The following ATP6V0D2 variants were observed in gnomAD, a reference collection of about 807,000 sequenced individuals.
ATP6V0D2 encodes ATPase H+ transporting V0 subunit d2.
A neutral mutation model predicts 40.0 loss-of-function variants in ATP6V0D2; 40 were observed. The observed-to-expected ratio is 1.00, with a 90% CI of 0.78 to 1.30. The LOEUF is 1.30. ATP6V0D2 is among the 50% of genes most tolerant of loss of function. The probability of loss-of-function intolerance (pLI) is 0.00; values close to 1 mark genes in which losing one functional copy is unlikely to be tolerated. For missense variants in ATP6V0D2, 470 were observed against 423.1 expected (o/e 1.11, Z -0.97); for synonymous variants, 179 against 156.3 (o/e 1.15, Z -1.08).
At chr8:86,107,385 T>C (rs1236143154) in intron 1 of ATP6V0D2, among the ~76,000 whole-genome samples, 1 of 152,122 alleles carries the variant, frequency 6.6e-6, no homozygotes, top group Non-Finnish European at 1.5e-5. Context: ...CTGAAAAACC[T>C]TGAAGGTTTG....
rs1300345165 is a variant in ATP6V0D2 at position 86,152,849 on chromosome 8, T to C, written c.925T>C (p.Phe309Leu). The C allele has an allele frequency of 3.1e-6, 5 of 1,608,806 alleles. No homozygotes were observed. Among genetic ancestry groups the C allele is most frequent in the Non-Finnish European group, 4.2e-6 (5 of 1,178,566 alleles). Reference protein sequence around the residue: ...QMNVLAFNRQFHYGVFYAYVK... With the variant: ...QMNVLAFNRQLHYGVFYAYVK... ...GAATGTGCTGGCATTCAACAGACAG[T>C]TCCACTACGGTGTGTTTTATGCATA... Residue 309 changes from phenylalanine (F) to leucine (L), a missense_variant, in exon 8 of 8, where the codon TTC becomes CTC. Phe to Leu is a conservative substitution (Grantham distance 22). Transcript: ENST00000285393.
At chr8:86,102,735 CCTGA>C (rs1178678751) in intron 1 of ATP6V0D2, among the ~76,000 whole-genome samples, 1 of 152,094 alleles carries the variant, frequency 6.6e-6, no homozygotes, top group East Asian at 1.9e-4. Flanking sequence ...GAGGCCTGCC[CCTGA>C]CTAATTGTGA....
rs755168998 is a variant in ATP6V0D2, at chr8:86,141,500, A to G, written c.532A>G (p.Ile178Val). The G allele has an allele frequency of 6.2e-7, 1 of 1,609,092 alleles. No individual in the cohort carries two copies. The highest frequency in any genetic ancestry group is 8.5e-7 in the Non-Finnish European group (1 of 1,176,852). ...MSENALDELN[I>V]ELLRNKLYKS... ...TGAAAATGCTCTAGATGAACTGAAT[A>G]TTGAATTGCTACGCAATAAACTATA... The change falls in exon 4 of 8, where the codon ATT becomes GTT. Residue 178 changes from isoleucine to valine, a missense_variant. Transcript: ENST00000285393.
intron 5 of ATP6V0D2, among the ~76,000 whole-genome samples, chr8:86,143,687 G>A (rs1188264318): frequency 1.3e-5 from 2 of 152,146 alleles, no homozygotes; most frequent in African/African-American, 4.8e-5. Flanking sequence ...TTTATGACCT[G>A]TATCTTGTGC....
intron 5 of ATP6V0D2, among the ~76,000 whole-genome samples, chr8:86,147,425 G>A (rs919984245): frequency 5.9e-5 from 9 of 152,216 alleles, no homozygotes; most frequent in South Asian, 4.2e-4. Context: ...GGAAAGTCAT[G>A]GGACTGCCAA....
intron 1 of ATP6V0D2, among the ~76,000 whole-genome samples, chr8:86,104,051 C>T (rs1220479172): frequency 6.6e-6 from 1 of 152,030 alleles, no homozygotes; most frequent in African/African-American, 2.4e-5. Flanking sequence ...AGGTCTCAAA[C>T]TCCTAACCTC....
At chr8:86,101,568 A>G (rs768393102) in intron 1 of ATP6V0D2, among the ~76,000 whole-genome samples, 1 of 152,118 alleles carries the variant, frequency 6.6e-6, no homozygotes, top group Non-Finnish European at 1.5e-5. Context: ...TTTAATCAAA[A>G]GACTTGTCGA....
intron 1 of ATP6V0D2, among the ~76,000 whole-genome samples, chr8:86,104,640 G>T (rs1818445333): frequency 6.6e-6 from 1 of 152,090 alleles, no homozygotes; most frequent in African/African-American, 2.4e-5. Context: ...GGGGTGGTGG[G>T]TAGGTGAGTG....
chr8:86,100,559 A>G (rs187139289), intron 1 of ATP6V0D2, among the ~76,000 whole-genome samples: 6 of 152,330 alleles, frequency 3.9e-5, no homozygotes, highest in Non-Finnish European at 8.8e-5. Context: ...CAAACCCTGC[A>G]CTTCCATTAG....
At chr8:86,113,040 G>T (rs558151622) in intron 1 of ATP6V0D2, among the ~76,000 whole-genome samples, 6 of 152,052 alleles carry the variant, frequency 3.9e-5, no homozygotes, top group Admixed American at 2.6e-4. Flanking sequence ...CATCAAGTTG[G>T]GATGGAGCAT....
At position 86,142,601 on chromosome 8, in the gene ATP6V0D2, C is replaced by T. The variant is rs369468494; in HGVS notation, c.562-276C>T. Among the ~76,000 whole-genome samples, 5 of 152,270 alleles carry T rather than the reference C, an allele frequency of 3.3e-5. No homozygotes were observed. In the South Asian group the frequency reaches 8.3e-4, roughly 25 times the overall value. On this transcript the variant is annotated intron_variant, in intron 4 of 7. Transcript: ENST00000285393. ...TCTTGTTAAAATAGCAAGAATTAAC[C>T]ATATGAAATAATCCAAAACCATGCA...
intron 2 of ATP6V0D2, among the ~76,000 whole-genome samples, chr8:86,127,150 A>G (rs1014851187): frequency 6.6e-6 from 1 of 152,220 alleles, no homozygotes; most frequent in Non-Finnish European, 1.5e-5. Flanking sequence ...GTGAAATTTT[A>G]AGAGAGAGAA....
At chr8:86,136,615 T>A (rs1818900709) in intron 2 of ATP6V0D2, among the ~76,000 whole-genome samples, 1 of 152,142 alleles carries the variant, frequency 6.6e-6, no homozygotes, top group South Asian at 2.1e-4. Context: ...TGAAGAAACT[T>A]TATAGTCATG....
At chr8:86,152,741 C>T in intron 7 of ATP6V0D2, 75 bp from the exon 8 acceptor site, 1 of 1,434,116 alleles carries the variant, frequency 7.0e-7, no homozygotes, top group Non-Finnish European at 9.3e-7. Flanking sequence ...AAGTTCAAGC[C>T]AGTCAGTAGC....
intron 1 of ATP6V0D2, among the ~76,000 whole-genome samples, chr8:86,105,708 A>G (rs1305082722): frequency 7.1e-6 from 1 of 139,962 alleles, no homozygotes; most frequent in African/African-American, 2.7e-5. Flanking sequence ...TCCGCCTCCC[A>G]GGTTCATGCC....
intron 5 of ATP6V0D2, among the ~76,000 whole-genome samples, chr8:86,144,578 CT>C (rs1310156142): frequency 6.6e-6 from 1 of 152,136 alleles, no homozygotes; most frequent in Non-Finnish European, 1.5e-5. Context: ...TAAAATTTTA[CT>C]TGGTTGATGA....
chr8:86,153,469 T>A lies in ATP6V0D2; in HGVS notation c.*492T>A, dbSNP rs968413348. The A allele has an allele frequency of 6.5e-6, 1 of 152,700 alleles. No homozygotes were observed. Among genetic ancestry groups the A allele is most frequent in the Non-Finnish European group, 1.5e-5 (1 of 68,616 alleles). The allele number at this position is 152,700 out of a possible 1,614,324, so 9.5% of individuals were successfully genotyped here. On this transcript the variant is annotated 3_prime_UTR_variant, in exon 8 of 8. Coordinates refer to ENST00000285393, the MANE Select transcript of ATP6V0D2 (RefSeq NM_152565.1). ...CCCAGGCTCAAGTGATCCTCCCAGC[T>A]CTCAGCCTCCAAAGTAGCTGGCACT... is the stretch of plus-strand genomic sequence containing the variant.
At chr8:86,121,991 A>G (rs1818677501) in intron 2 of ATP6V0D2, among the ~76,000 whole-genome samples, 1 of 152,224 alleles carries the variant, frequency 6.6e-6, no homozygotes, top group Non-Finnish European at 1.5e-5. Flanking sequence ...AATAGCAGGA[A>G]GATCTGCTGG....
At chr8:86,137,027 C>T (rs373624112) in intron 2 of ATP6V0D2, among the ~76,000 whole-genome samples, 2 of 147,344 alleles carry the variant, frequency 1.4e-5, no homozygotes, top group African/African-American at 5.1e-5. Flanking sequence ...AACTAAAAAT[C>T]GAAAGCGTCC....
Sources: allele counts gnomAD v4.1 joint callset (sites outside exome capture counted in the v4.1 genomes callset), GRCh38; gene constraint gnomAD v4.1.1; transcripts MANE v1.5; gene names NCBI Gene and HGNC (gene_info 2026-07-23, HGNC 2026-07-21).